Variants in ENPEP observed in about 807,000 individuals in gnomAD.
ENPEP encodes glutamyl aminopeptidase, also known as AP-A.
A neutral mutation model predicts 114.5 loss-of-function variants in ENPEP; 103 were observed. The observed-to-expected ratio is 0.90, with a 90% CI of 0.77 to 1.06. The LOEUF is 1.06. Ranked by LOEUF, ENPEP falls within the 50% of genes least tolerant of loss-of-function variation. The pLI is 0.00. For synonymous variants in ENPEP, 420 were observed against 422.0 expected (o/e 1.00, Z 0.06); for missense variants, 1,196 against 1,161.3 (o/e 1.03, Z -0.43).
intron 10 of ENPEP, among the ~76,000 whole-genome samples, chr4:110,521,803 C>T (rs1247917999): frequency 6.6e-6 from 1 of 151,876 alleles, no homozygotes; most frequent in Non-Finnish European, 1.5e-5. Flanking sequence ...AGGGCAAACA[C>T]ACATAGAGCT....
rs1725422628 is a variant in ENPEP at position 110,507,716 on chromosome 4, C to T, written c.1039+959C>T. 2.0e-5 allele frequency among the ~76,000 whole-genome samples: 3 copies of T among 152,234 alleles called. No homozygotes were observed. The South Asian group carries it at 6.2e-4, about 31-fold the overall frequency. ...TTGGGCCAGGTGCAGTGGCTCACGC[C>T]TGTAATCCCAACATTTTGGGAGGCC... On this transcript the variant is annotated intron_variant, in intron 4 of 19. Transcript: ENST00000265162.
rs1448804 is a variant in ENPEP, at chr4:110,543,289, A to T, written c.2000+219A>T. ...TAGCCCTTAAGGTATACACAAAAACAAACCTAACTTATTGACTTTGAGTAT... is the reference window on the plus strand; with the variant it reads ...TAGCCCTTAAGGTATACACAAAAACTAACCTAACTTATTGACTTTGAGTAT... On this transcript the variant is annotated intron_variant, in intron 13 of 19. Transcript: ENST00000265162. Among the ~76,000 whole-genome samples the T allele has an allele frequency of 7.7e-3, 1,169 of 152,246 alleles. 7 individuals carry two copies. The highest frequency in any genetic ancestry group is 0.027 in the African/African-American group (1,123 of 41,550).
At chr4:110,487,538 G>A (rs1207510581) in intron 1 of ENPEP, among the ~76,000 whole-genome samples, 2 of 152,206 alleles carry the variant, frequency 1.3e-5, no homozygotes, top group Non-Finnish European at 2.9e-5. Flanking sequence ...GCACGTGTGT[G>A]TGTGTGGAAG....
intron 11 of ENPEP, chr4:110,533,174 A>C: frequency 2.6e-6 from 1 of 382,412 alleles, no homozygotes; most frequent in Non-Finnish European, 5.4e-6. Flanking sequence ...ACCCTAGTAC[A>C]ATTCACCCAG....
chr4:110,526,785 G>A (rs1017617132), intron 10 of ENPEP, among the ~76,000 whole-genome samples: 1 of 152,288 alleles, frequency 6.6e-6, no homozygotes, highest in African/African-American at 2.4e-5. Context: ...GCAATGAGCA[G>A]CCCACGTGAT....
chr4:110,535,413 G>A (rs987027766), intron 11 of ENPEP, among the ~76,000 whole-genome samples: 1 of 152,162 alleles, frequency 6.6e-6, no homozygotes, highest in African/African-American at 2.4e-5. Context: ...TGATGACAAA[G>A]AGGGAAGCAC....
rs1252692588 is a variant in ENPEP, at chr4:110,515,547, CT to C, written c.1509+108del. On this transcript the variant is annotated intron_variant, in intron 8 of 19. Transcript: ENST00000265162. ...TCAAGGATAATTTCCTTTTTAATCTCTTTACTGAGGCATAGATAATATAGCA... is the reference window on the plus strand; with the variant it reads ...TCAAGGATAATTTCCTTTTTAATCTCTTACTGAGGCATAGATAATATAGCA... 3.3e-6 allele frequency: 3 copies of C among 921,434 alleles called. No homozygotes were observed. The African/African-American group carries it at 5.0e-5, about 15-fold the overall frequency. 57.1% of individuals were successfully genotyped at this position (921,434 alleles called of 1,614,324 possible). A position where few individuals can be genotyped will look rare whatever the true frequency, so the allele number is the denominator to read the frequency against.
chr4:110,548,380 A>G, intron 14 of ENPEP, 54 bp downstream of exon 14: 1 of 1,386,766 alleles, frequency 7.2e-7, no homozygotes, highest in South Asian at 1.9e-5. Context: ...CATTAGTAGA[A>G]TAGGATGCTT....
At chr4:110,532,229 T>C (rs1027453278) in intron 11 of ENPEP, among the ~76,000 whole-genome samples, 1 of 152,112 alleles carries the variant, frequency 6.6e-6, no homozygotes, top group Admixed American at 6.6e-5. Context: ...CCACAGTCAG[T>C]TTTAGAAACC....
intron 19 of ENPEP, 56 bp from the exon 20 acceptor site, chr4:110,561,350 T>G: frequency 6.3e-7 from 1 of 1,575,138 alleles, no homozygotes; most frequent in Admixed American, 1.8e-5. Flanking sequence ...AATGAAATTC[T>G]TGAAGACTAA....
rs376575239 is a variant in ENPEP, at chr4:110,554,237, T to G, written c.2642+782T>G. Among the ~76,000 whole-genome samples the G allele has an allele frequency of 3.3e-5, 5 of 152,198 alleles. No individual in the cohort carries two copies. In the East Asian group the frequency reaches 7.7e-4, roughly 23 times the overall value. On this transcript the variant is annotated intron_variant, in intron 18 of 19. Coordinates refer to ENST00000265162, the MANE Select transcript of ENPEP (RefSeq NM_001977.4). ...ACATTAGGAAATAGCCTGTGTTATC[T>G]CCTCTTAATCTCTCCTGTCAATCCA... is the stretch of plus-strand genomic sequence containing the variant.
rs202242989 is a variant in ENPEP, at chr4:110,513,568, T to C, written c.1443+19T>C. On this transcript the variant is annotated intron_variant, in intron 7 of 19. Coordinates refer to ENST00000265162, the MANE Select transcript of ENPEP (RefSeq NM_001977.4). ...TAGCAAGGTGGGAGAAATAGAACAT[T>C]GTTTTGAACATCTTCCTGTTTAGTG... 1 of 1,609,842 alleles carries C rather than the reference T, an allele frequency of 6.2e-7. No homozygotes were observed. The highest frequency in any genetic ancestry group is 8.5e-7 in the Non-Finnish European group (1 of 1,178,314).
intron 17 of ENPEP, among the ~76,000 whole-genome samples, chr4:110,551,248 T>G (rs1244197209): frequency 6.6e-6 from 1 of 152,022 alleles, no homozygotes; most frequent in Non-Finnish European, 1.5e-5. Context: ...GGGGATGAAA[T>G]AAATTCAGGA....
At chr4:110,480,767 C>T (rs1428858336) in intron 1 of ENPEP, among the ~76,000 whole-genome samples, 1 of 152,202 alleles carries the variant, frequency 6.6e-6, no homozygotes, top group Non-Finnish European at 1.5e-5. Context: ...TCCACATTGT[C>T]TTTCTGGGGA....
At chr4:110,520,412 A>G (rs764297009) in intron 10 of ENPEP, 46 bp downstream of exon 10, 10 of 1,585,436 alleles carry the variant, frequency 6.3e-6, no homozygotes, top group Non-Finnish European at 8.7e-6. Flanking sequence ...ATTTGGCAGA[A>G]ATATTGGTAA....
intron 7 of ENPEP, 103 bp from the exon 8 acceptor site, chr4:110,515,274 C>A: frequency 1.0e-6 from 1 of 960,554 alleles, no homozygotes; most frequent in Non-Finnish European, 1.6e-6. Flanking sequence ...AGGAACTAAT[C>A]TCACAAATAT....
In ENPEP at chr4:110,563,484, G is replaced by C. The variant is rs1727741113; in HGVS notation, c.*1926G>C. 6.6e-6 allele frequency: 1 copy of C among 152,074 alleles called. No individual in the cohort carries two copies. The highest frequency in any genetic ancestry group is 1.5e-5 in the Non-Finnish European group (1 of 67,998). The allele number at this position is 152,074 out of a possible 1,614,324, so 9.4% of individuals were successfully genotyped here. ...TCAGAATAAGTCTTCTAGACCATCA[G>C]GTCCTTCTCAAACAACACCTGTTTT... On this transcript the variant is annotated 3_prime_UTR_variant, in exon 20 of 20. Coordinates refer to ENST00000265162, the MANE Select transcript of ENPEP (RefSeq NM_001977.4).
At chr4:110,533,184 G>A in intron 11 of ENPEP, 1 of 352,920 alleles carries the variant, frequency 2.8e-6, no homozygotes, top group Non-Finnish European at 5.9e-6. Context: ...AATTCACCCA[G>A]CACTTTCATG....
intron 13 of ENPEP, among the ~76,000 whole-genome samples, chr4:110,543,396 A>C (rs996263956): frequency 6.6e-6 from 1 of 152,100 alleles, no homozygotes; most frequent in Non-Finnish European, 1.5e-5. Context: ...AATTTGATTT[A>C]ATATAAAGAC....
Sources: gnomAD v4.1 joint callset for allele counts (sites outside exome capture counted in the v4.1 genomes callset) on GRCh38, gnomAD v4.1.1 for gene constraint, MANE v1.5 for transcripts, NCBI Gene and HGNC (gene_info 2026-07-23, HGNC 2026-07-21) for gene names.